Variants in DPYSL2 observed in about 807,000 individuals in gnomAD.
The protein encoded by DPYSL2 is dihydropyrimidinase-related protein 2.
Under a neutral mutation model 69.9 loss-of-function variants are expected in DPYSL2, and 13 were observed. That is an observed-to-expected ratio of 0.19 (90% CI 0.12 to 0.30). The LOEUF (loss-of-function observed/expected upper bound fraction) is 0.30, where lower values mean the gene tolerates loss of function less well. Among genes scored for constraint, DPYSL2 ranks in the 10% least tolerant of loss-of-function variants. The pLI is 1.00. For missense variants in DPYSL2, 587 were observed against 918.9 expected (o/e 0.64, Z 4.67); for synonymous variants, 326 against 359.1 (o/e 0.91, Z 1.04).
In DPYSL2 at chr8:26,613,181, G is replaced by A. The variant is rs187231734; in HGVS notation, c.629-10962G>A. Reference sequence around the variant, plus strand: ...GTGCCTGTGTTCATCCAGGAAAATGGGATGAAAAGCCCAAGATACATCTGC... The same window carrying A: ...GTGCCTGTGTTCATCCAGGAAAATGAGATGAAAAGCCCAAGATACATCTGC... On this transcript the variant is annotated intron_variant, in intron 3 of 13. Coordinates refer to ENST00000521913, the MANE Select transcript of DPYSL2 (RefSeq NM_001197293.3). Among the ~76,000 whole-genome samples, 5 of 152,322 alleles carry A rather than the reference G, an allele frequency of 3.3e-5. No individual in the cohort carries two copies. The East Asian group carries it at 9.6e-4, about 29-fold the overall frequency.
At chr8:26,576,508 C>T (rs1801346696) in intron 1 of DPYSL2, among the ~76,000 whole-genome samples, 1 of 152,120 alleles carries the variant, frequency 6.6e-6, no homozygotes, top group African/African-American at 2.4e-5. Flanking sequence ...GGGTTGGCCT[C>T]GGTAGATTCC....
intron 1 of DPYSL2, among the ~76,000 whole-genome samples, chr8:26,524,989 A>G (rs1808453470): frequency 6.6e-6 from 1 of 152,044 alleles, no homozygotes; most frequent in African/African-American, 2.4e-5. Context: ...TGTAAAAATT[A>G]CATGTTAAAA....
At chr8:26,629,244 G>C (rs1217768413) in intron 7 of DPYSL2, among the ~76,000 whole-genome samples, 2 of 151,932 alleles carry the variant, frequency 1.3e-5, no homozygotes, top group East Asian at 3.9e-4. Flanking sequence ...AGACACACAT[G>C]CATACACATA....
chr8:26,596,467 C>A (rs762614590), intron 3 of DPYSL2, among the ~76,000 whole-genome samples: 3 of 152,182 alleles, frequency 2.0e-5, no homozygotes, highest in Non-Finnish European at 1.5e-5. Flanking sequence ...GGGGATGACC[C>A]TAGCAGTTGC....
In DPYSL2 at chr8:26,517,002, A is replaced by G. The variant is rs1006917821; in HGVS notation, c.354+2323A>G. Among the ~76,000 whole-genome samples, 5 of 152,238 alleles carry G rather than the reference A, an allele frequency of 3.3e-5. No individual in the cohort carries two copies. The highest frequency in any genetic ancestry group is 1.2e-4 in the African/African-American group (5 of 41,466). ...TTGACTTGTCATTAGTTGGTTTTCAACGAATGAGTTGGGTGAGTGCCAGCA... is the reference window on the plus strand; with the variant it reads ...TTGACTTGTCATTAGTTGGTTTTCAGCGAATGAGTTGGGTGAGTGCCAGCA... On this transcript the variant is annotated intron_variant, in intron 1 of 13. Transcript: ENST00000521913. This position sits in a 1 kb window ranked among gnomAD's most constrained non-coding sequence, Gnocchi z 4.2.
chr8:26,576,360 T>A (rs1165529422), intron 1 of DPYSL2, among the ~76,000 whole-genome samples: 1 of 152,096 alleles, frequency 6.6e-6, no homozygotes, highest in Non-Finnish European at 1.5e-5. Flanking sequence ...AATTACATAC[T>A]CTTTCTTCCC....
chr8:26,521,419 C>T (rs1808382240), intron 1 of DPYSL2, among the ~76,000 whole-genome samples: 1 of 152,070 alleles, frequency 6.6e-6, no homozygotes, highest in Non-Finnish European at 1.5e-5. Flanking sequence ...TCTAATGCTC[C>T]TTCTATCCAT....
At position 26,657,105 on chromosome 8, in the gene DPYSL2, G is replaced by C. The variant is rs1189737320; in HGVS notation, c.*1399G>C. 1 of 152,196 alleles carries C rather than the reference G, an allele frequency of 6.6e-6. No homozygotes were observed. Among genetic ancestry groups the C allele is most frequent in the African/African-American group, 2.4e-5 (1 of 41,422 alleles). The allele number at this position is 152,196 out of a possible 1,614,324, so 9.4% of individuals were successfully genotyped here. Reference sequence around the variant, plus strand: ...ATTATTTCTAAAGACACACTACATAGAAAGAGGCCCTATAAACTCAAAAAG... The same window carrying C: ...ATTATTTCTAAAGACACACTACATACAAAGAGGCCCTATAAACTCAAAAAG... On this transcript the variant is annotated 3_prime_UTR_variant, in exon 14 of 14. Transcript: ENST00000521913.
chr8:26,555,764 G>A (rs759905133), intron 1 of DPYSL2, among the ~76,000 whole-genome samples: 29 of 150,488 alleles, frequency 1.9e-4, no homozygotes, highest in Non-Finnish European at 3.7e-4. Context: ...GCGTGCACCT[G>A]TAGTCCCAGC....
chr8:26,612,796 G>A (rs1802262234), intron 3 of DPYSL2, among the ~76,000 whole-genome samples: 1 of 152,244 alleles, frequency 6.6e-6, no homozygotes, highest in Non-Finnish European at 1.5e-5. Context: ...ATGCCTAGAA[G>A]GAGGCGGTGG....
chr8:26,654,994 A>G lies in DPYSL2; in HGVS notation c.1943-621A>G, dbSNP rs922700330. The stretch of plus-strand genomic sequence containing the variant: ...GTAGCTGGTACTACAGGCTTGCACC[A>G]TCACGCCTGGCTAATTTTTTAATTT... On this transcript the variant is annotated intron_variant, in intron 13 of 13. Coordinates refer to ENST00000521913, the MANE Select transcript of DPYSL2 (RefSeq NM_001197293.3). This position sits in a 1 kb window ranked among gnomAD's most constrained non-coding sequence, Gnocchi z 5.0. 8.6e-5 allele frequency among the ~76,000 whole-genome samples: 13 copies of G among 151,366 alleles called. No individual in the cohort carries two copies. The highest frequency in any genetic ancestry group is 2.9e-4 in the African/African-American group (12 of 41,300).
rs542478895 is a variant in DPYSL2, at chr8:26,585,784, G to A, written c.628+1801G>A. Among the ~76,000 whole-genome samples the A allele has an allele frequency of 6.6e-6, 1 of 152,268 alleles. No individual in the cohort carries two copies. The highest frequency in any genetic ancestry group is 1.9e-4 in the East Asian group (1 of 5,180). On this transcript the variant is annotated intron_variant, in intron 3 of 13. Transcript: ENST00000521913. This position sits in a 1 kb window ranked among gnomAD's most constrained non-coding sequence, Gnocchi z 4.0. ...CACAGGGAGACCCTGCAGGCCCCTG[G>A]ATTGGTCACAGACAGTCAATAAGCC... is the stretch of plus-strand genomic sequence containing the variant.
chr8:26,647,918 T>A lies in DPYSL2; in HGVS notation c.1596+118T>A. The A allele has an allele frequency of 8.0e-7, 1 of 1,242,732 alleles. No homozygotes were observed. Among genetic ancestry groups the A allele is most frequent in the Non-Finnish European group, 1.1e-6 (1 of 907,272 alleles). The allele number at this position is 1,242,732 out of a possible 1,614,324, so 77.0% of individuals were successfully genotyped here. ...TTGCTGTGATGGGAATGCGCTCGAC[T>A]GAGGATGTTATGATTTGCAATTTGC... On this transcript the variant is annotated intron_variant, in intron 11 of 13. Coordinates refer to ENST00000521913, the MANE Select transcript of DPYSL2 (RefSeq NM_001197293.3). The surrounding 1 kb of genome is among the most constrained non-coding windows in gnomAD (Gnocchi z 5.1).
intron 1 of DPYSL2, among the ~76,000 whole-genome samples, chr8:26,551,466 T>C (rs777036656): frequency 6.6e-6 from 1 of 152,174 alleles, no homozygotes; most frequent in Admixed American, 6.5e-5. Context: ...CAAGGAGATA[T>C]AAACAAATCT....
chr8:26,578,977 C>T (rs1473850528), intron 1 of DPYSL2, among the ~76,000 whole-genome samples: 1 of 152,194 alleles, frequency 6.6e-6, no homozygotes, highest in African/African-American at 2.4e-5. Flanking sequence ...GTTTTCTCGC[C>T]CTGTAGTTCG....
At position 26,598,154 on chromosome 8, in the gene DPYSL2, C is replaced by T. The variant is rs1801907602; in HGVS notation, c.628+14171C>T. On this transcript the variant is annotated intron_variant, in intron 3 of 13. Coordinates refer to ENST00000521913, the MANE Select transcript of DPYSL2 (RefSeq NM_001197293.3). This position sits in a 1 kb window ranked among gnomAD's most constrained non-coding sequence, Gnocchi z 4.2. Reference sequence around the variant, plus strand: ...TACATGTATGGGGGAGTAGCCCCTTCACCCCAGTTTTGCTCCTGACCGTTG... The same window carrying T: ...TACATGTATGGGGGAGTAGCCCCTTTACCCCAGTTTTGCTCCTGACCGTTG... 6.6e-6 allele frequency among the ~76,000 whole-genome samples: 1 copy of T among 152,176 alleles called. No individual in the cohort carries two copies.
chr8:26,595,084 G>A (rs1001950660), intron 3 of DPYSL2, among the ~76,000 whole-genome samples: 13 of 152,000 alleles, frequency 8.6e-5, no homozygotes, highest in Admixed American at 6.6e-5. Context: ...TTAGCTGGGC[G>A]TGGTGACACA....
intron 7 of DPYSL2, among the ~76,000 whole-genome samples, chr8:26,633,024 C>G (rs1802815062): frequency 6.6e-6 from 1 of 152,188 alleles, no homozygotes. Flanking sequence ...AATCTTTTGG[C>G]CAAGCTCTGG....
intron 2 of DPYSL2, among the ~76,000 whole-genome samples, chr8:26,583,477 G>C (rs1801533036): frequency 6.6e-6 from 1 of 152,192 alleles, no homozygotes; most frequent in Admixed American, 6.5e-5. Context: ...TCAATTGCAA[G>C]TGCTGTAAAG....
Sources: gnomAD v4.1 joint callset for allele counts (sites outside exome capture counted in the v4.1 genomes callset) on GRCh38, gnomAD v4.1.1 for gene constraint, Gnocchi (gnomAD v3.1) non-coding constraint, MANE v1.5 for transcripts, NCBI Gene and HGNC (gene_info 2026-07-23, HGNC 2026-07-21) for gene names.